ROR1: variants seen among roughly 807,000 people sequenced by gnomAD.
ROR1 encodes the protein ROR family WNT receptor 1, also known as inactive tyrosine-protein kinase transmembrane receptor ROR1.
A neutral mutation model predicts 78.8 loss-of-function variants in ROR1; 19 were observed. The ratio of observed to expected loss-of-function variants is 0.24; its 90% CI spans 0.17 to 0.35. The LOEUF is 0.35. Ranked by LOEUF, ROR1 falls within the 10% of genes least tolerant of loss-of-function variation. ROR1 has a pLI of 1.00. For missense variants in ROR1, 917 were observed against 1,177.8 expected (o/e 0.78, Z 3.24); for synonymous variants, 386 against 433.6 (o/e 0.89, Z 1.36).
intron 1 of ROR1, among the ~76,000 whole-genome samples, chr1:63,847,907 C>T (rs1163258165): frequency 1.3e-5 from 2 of 152,134 alleles, no homozygotes; most frequent in African/African-American, 2.4e-5. Context: ...AATGAAAGAT[C>T]GTGTCTTCAA....
intron 1 of ROR1, among the ~76,000 whole-genome samples, chr1:63,886,767 C>A (rs940499452): frequency 1.3e-5 from 2 of 151,100 alleles, no homozygotes; most frequent in African/African-American, 4.9e-5. Context: ...GGAGAGAAAA[C>A]CCTCCATACT....
intron 4 of ROR1, among the ~76,000 whole-genome samples, chr1:64,071,118 G>A (rs1305261536): frequency 1.3e-5 from 2 of 152,226 alleles, no homozygotes; most frequent in Non-Finnish European, 2.9e-5. Context: ...TGAGCGAGTT[G>A]TGGGAAGTAT....
At chr1:63,889,273 G>A (rs935312886) in intron 1 of ROR1, among the ~76,000 whole-genome samples, 1 of 152,098 alleles carries the variant, frequency 6.6e-6, no homozygotes, top group African/African-American at 2.4e-5. Flanking sequence ...GTTTGACTGT[G>A]GTAAATATAG....
chr1:64,014,773 T>TATATATATATACACACAC (rs71056017), intron 2 of ROR1, among the ~76,000 whole-genome samples: 7 of 47,004 alleles, frequency 1.5e-4, no homozygotes, highest in East Asian at 3.2e-3. Context: ...TATATATATA[T>TATATATATATACACACAC]ACACATTTTG....
intron 1 of ROR1, among the ~76,000 whole-genome samples, chr1:63,916,011 C>T (rs705528): frequency 0.76 from 115,980 of 152,058 alleles, 44,653 homozygotes; most frequent in East Asian, 0.95. Context: ...CCTCTCTAGA[C>T]ACTCTAGAAT....
At chr1:64,166,673 G>C (rs1247830039) in intron 8 of ROR1, among the ~76,000 whole-genome samples, 1 of 152,168 alleles carries the variant, frequency 6.6e-6, no homozygotes, top group East Asian at 1.9e-4. Flanking sequence ...CATTAACTGG[G>C]GTGAGGACAC....
At chr1:64,015,725 A>T (rs940142940) in intron 2 of ROR1, among the ~76,000 whole-genome samples, 1 of 152,030 alleles carries the variant, frequency 6.6e-6, no homozygotes, top group Non-Finnish European at 1.5e-5. Flanking sequence ...TCTTCCTAGG[A>T]CTGGGGTGTC....
chr1:63,992,903 C>T (rs540062910), intron 1 of ROR1, among the ~76,000 whole-genome samples: 2 of 152,160 alleles, frequency 1.3e-5, no homozygotes, highest in Non-Finnish European at 2.9e-5. Flanking sequence ...GTCACAACTA[C>T]CCCTTATGAA....
At position 63,774,541 on chromosome 1, in the gene ROR1, G is replaced by A; in HGVS notation, c.91+33G>A. On this transcript the variant is annotated intron_variant, in intron 1 of 8. Transcript: ENST00000371079. This position sits in a 1 kb window ranked among gnomAD's most constrained non-coding sequence, Gnocchi z 5.7. ...GCGCCCGCCGGCCCCCGCCCGCCCA[G>A]ACCCCCTGACCCGTGGCCACCCTTC... 1 of 878,440 alleles carries A rather than the reference G, an allele frequency of 1.1e-6. No individual in the cohort carries two copies. Among genetic ancestry groups the A allele is most frequent in the Non-Finnish European group, 1.4e-6 (1 of 730,920 alleles). 54.4% of individuals were successfully genotyped at this position (878,440 alleles called of 1,614,324 possible).
At chr1:64,020,726 A>G (rs868498189) in intron 2 of ROR1, among the ~76,000 whole-genome samples, 2 of 152,166 alleles carry the variant, frequency 1.3e-5, no homozygotes, top group African/African-American at 2.4e-5. Flanking sequence ...AAGTTGGTCC[A>G]CAAACAGATT....
chr1:64,079,200 A>T (rs574117185), intron 4 of ROR1, among the ~76,000 whole-genome samples: 86 of 152,318 alleles, frequency 5.6e-4, no homozygotes, highest in Non-Finnish European at 9.3e-4. Context: ...AAACATTAAA[A>T]CATGTAAGTA....
At chr1:63,789,962 A>G (rs647215) in intron 1 of ROR1, among the ~76,000 whole-genome samples, 49,899 of 151,770 alleles carry the variant, frequency 0.33, 10,577 homozygotes, top group African/African-American at 0.61. Flanking sequence ...CTATGCACAT[A>G]TTGGCTTTTC....
chr1:64,018,378 C>G (rs969201410), intron 2 of ROR1, among the ~76,000 whole-genome samples: 2 of 152,152 alleles, frequency 1.3e-5, no homozygotes, highest in African/African-American at 4.8e-5. Context: ...ACTATTTGCT[C>G]TGATGAGAAC....
At chr1:64,047,433 T>TA (rs1347836083) in intron 2 of ROR1, among the ~76,000 whole-genome samples, 4 of 152,128 alleles carry the variant, frequency 2.6e-5, no homozygotes, top group Non-Finnish European at 4.4e-5. Context: ...TAAACTGAGG[T>TA]ACAAAGAGGT....
intron 1 of ROR1, among the ~76,000 whole-genome samples, chr1:63,867,656 G>C (rs191889414): frequency 1.3e-5 from 2 of 152,214 alleles, no homozygotes; most frequent in Non-Finnish European, 2.9e-5. Context: ...AGAGTTTTCT[G>C]TCTTTTCTTC....
chr1:64,087,305 G>A (rs1258576281), intron 4 of ROR1, among the ~76,000 whole-genome samples: 1 of 152,192 alleles, frequency 6.6e-6, no homozygotes, highest in Non-Finnish European at 1.5e-5. Flanking sequence ...ACTAGCATGA[G>A]GAGGGTAGTG....
chr1:63,943,111 A>G lies in ROR1; in HGVS notation c.92-66194A>G, dbSNP rs527281913. Among the ~76,000 whole-genome samples, 4 of 151,840 alleles carry G rather than the reference A, an allele frequency of 2.6e-5. No homozygotes were observed. In the South Asian group the frequency reaches 8.4e-4, roughly 32 times the overall value. On this transcript the variant is annotated intron_variant, in intron 1 of 8. Transcript: ENST00000371079. ...CTGTCTTTAAAAAAAAAAAAAAAAA[A>G]AAAAAAGATTAAGTGCAGCAGCCAT... is the stretch of plus-strand genomic sequence containing the variant.
chr1:63,938,869 A>G (rs1168244014), intron 1 of ROR1, among the ~76,000 whole-genome samples: 2 of 152,102 alleles, frequency 1.3e-5, no homozygotes, highest in Admixed American at 1.3e-4. Context: ...GTGGTGGCAC[A>G]TGCCTGTAGT....
intron 2 of ROR1, among the ~76,000 whole-genome samples, chr1:64,021,545 T>C (rs759032595): frequency 1.4e-4 from 22 of 152,362 alleles, no homozygotes; most frequent in Middle Eastern, 3.4e-3. Flanking sequence ...TAGGTACTAT[T>C]ATGTTCATTT....
Sources: gnomAD v4.1 joint callset for allele counts (sites outside exome capture counted in the v4.1 genomes callset) on GRCh38, gnomAD v4.1.1 for gene constraint, Gnocchi (gnomAD v3.1) non-coding constraint, MANE v1.5 for transcripts, NCBI Gene and HGNC (gene_info 2026-07-23, HGNC 2026-07-21) for gene names.